The following DSCAML1 variants were observed in gnomAD, a reference collection of about 807,000 sequenced individuals.
DSCAML1 encodes the protein cell adhesion molecule DSCAML1.
A neutral mutation model predicts 200.5 loss-of-function variants in DSCAML1; 38 were observed. The observed-to-expected ratio is 0.19, with a 90% CI of 0.15 to 0.25. The LOEUF is 0.25. DSCAML1 is among the 10% of genes least tolerant of loss of function. DSCAML1 has a pLI of 1.00. For synonymous variants in DSCAML1, 1,215 were observed against 1,165.0 expected, an observed-to-expected ratio of 1.04 and a Z score of -0.87; for missense variants, 2,223 against 2,858.8, an observed-to-expected ratio of 0.78 and a Z score of 5.07.
At chr11:117,455,405 T>C (rs1165808430) in intron 19 of DSCAML1, among the ~76,000 whole-genome samples, 1 of 152,222 alleles carries the variant, frequency 6.6e-6, no homozygotes, top group East Asian at 1.9e-4. Context: ...GGTCTAGTCA[T>C]GCCTCTTCCT....
intron 2 of DSCAML1, among the ~76,000 whole-genome samples, chr11:117,778,407 A>C (rs1333614294): frequency 6.6e-6 from 1 of 152,180 alleles, no homozygotes; most frequent in African/African-American, 2.4e-5. Context: ...GAGTCAGCAG[A>C]GGTTAATGGC....
intron 3 of DSCAML1, among the ~76,000 whole-genome samples, chr11:117,546,256 A>C (rs1293001957): frequency 1.3e-5 from 2 of 152,218 alleles, no homozygotes; most frequent in East Asian, 3.8e-4. Context: ...CCAGCTCTGC[A>C]GTCAGAAGGC....
At chr11:117,578,073 A>G (rs2050978840) in intron 3 of DSCAML1, among the ~76,000 whole-genome samples, 1 of 151,600 alleles carries the variant, frequency 6.6e-6, no homozygotes, top group Non-Finnish European at 1.5e-5. Flanking sequence ...TGTCTTTACT[A>G]AAAATGCAAA....
chr11:117,525,046 G>A lies in DSCAML1; in HGVS notation c.696C>T (p.Phe232=). 1 of 1,590,296 alleles carries A rather than the reference G, an allele frequency of 6.3e-7. No individual in the cohort carries two copies. Among genetic ancestry groups the A allele is most frequent in the Non-Finnish European group, 8.5e-7 (1 of 1,170,154 alleles). ...GGCCGGCCCACACTTCCTGGGAGTG[G>A]AAGCCATCCAGGATGGTGGGGATCG... ...AESIPTILDG[F]HSQEVWAGHT... is the part of the protein sequence containing the mutation. The change falls in exon 5 of 33, where the codon TTC becomes TTT. Residue 232 remains phenylalanine, a synonymous_variant. Transcript: ENST00000651296.
At chr11:117,458,682 C>T (rs2048420700) in intron 19 of DSCAML1, 72 bp downstream of exon 19, 1 of 1,570,284 alleles carries the variant, frequency 6.4e-7, no homozygotes, top group Non-Finnish European at 8.6e-7. Context: ...CTCACCCTGC[C>T]TCCTGGGGTG....
chr11:117,716,971 G>A (rs886316283), intron 3 of DSCAML1, among the ~76,000 whole-genome samples: 1 of 152,016 alleles, frequency 6.6e-6, no homozygotes, highest in Non-Finnish European at 1.5e-5. Context: ...GATGGTTGGT[G>A]TTGCCAGAAA....
chr11:117,758,586 T>A (rs2054739882), intron 3 of DSCAML1, among the ~76,000 whole-genome samples: 1 of 151,954 alleles, frequency 6.6e-6, no homozygotes, highest in African/African-American at 2.4e-5. Flanking sequence ...GTATTTTTAG[T>A]AGAGATGGGG....
chr11:117,444,546 C>T (rs748315768), intron 20 of DSCAML1, among the ~76,000 whole-genome samples: 6 of 152,190 alleles, frequency 3.9e-5, no homozygotes, highest in Non-Finnish European at 7.4e-5. Flanking sequence ...CACGCCCGCC[C>T]GTCCAGGGAG....
intron 3 of DSCAML1, among the ~76,000 whole-genome samples, chr11:117,661,828 A>G (rs10892152): frequency 0.3 from 45,686 of 152,128 alleles, 7,163 homozygotes; most frequent in Middle Eastern, 0.35. Flanking sequence ...TAATAGAGTC[A>G]TAGGGACTGG....
intron 3 of DSCAML1, among the ~76,000 whole-genome samples, chr11:117,755,401 G>A (rs1275357463): frequency 6.6e-6 from 1 of 152,176 alleles, no homozygotes; most frequent in African/African-American, 2.4e-5. Context: ...TAACGCTTGT[G>A]AAATAATTTT....
intron 26 of DSCAML1, among the ~76,000 whole-genome samples, chr11:117,436,328 TA>T (rs1250916412): frequency 6.6e-6 from 1 of 152,172 alleles, no homozygotes; most frequent in Non-Finnish European, 1.5e-5. Context: ...CCTGCTGACA[TA>T]ACCCTCTGCC....
chr11:117,432,391 C>T lies in DSCAML1; in HGVS notation c.5140G>A (p.Gly1714Arg), dbSNP rs753861954. The change falls in exon 30 of 33, where the codon GGA becomes AGA. Residue 1714 changes from glycine (G) to arginine (R), a missense_variant. Gly to Arg is a moderately radical substitution (Grantham distance 125). Coordinates refer to ENST00000651296, the MANE Select transcript of DSCAML1 (RefSeq NM_020693.4). ...LHHPTLIQST[G>R]PLIDMSDIRP... ...ATGTCAGACATGTCGATGAGGGGTC[C>T]TGTGCTCTGGATGAGGGTTGGGTGG... is the stretch of plus-strand genomic sequence containing the variant. 3 of 1,614,070 alleles carry T rather than the reference C, an allele frequency of 1.9e-6. No homozygotes were observed. In the South Asian group the frequency reaches 3.3e-5, roughly 18 times the overall value.
chr11:117,791,602 C>T (rs1343108633), intron 1 of DSCAML1, among the ~76,000 whole-genome samples: 2 of 152,210 alleles, frequency 1.3e-5, no homozygotes, highest in African/African-American at 4.8e-5. Flanking sequence ...TGCTGGGCAC[C>T]CCAGGGACAC....
intron 3 of DSCAML1, among the ~76,000 whole-genome samples, chr11:117,714,319 C>T (rs1216336361): frequency 1.3e-5 from 2 of 152,056 alleles, no homozygotes; most frequent in African/African-American, 4.8e-5. Context: ...TAAAGGAACC[C>T]ATCACCAAAT....
intron 1 of DSCAML1, among the ~76,000 whole-genome samples, chr11:117,812,956 C>G (rs2055773762): frequency 6.6e-6 from 1 of 151,932 alleles, no homozygotes; most frequent in Non-Finnish European, 1.5e-5. Flanking sequence ...GCCTTTCCTA[C>G]AAGGTCTGAG....
chr11:117,775,226 C>G (rs564839887), intron 3 of DSCAML1, among the ~76,000 whole-genome samples: 7 of 152,146 alleles, frequency 4.6e-5, no homozygotes, highest in Non-Finnish European at 8.8e-5. Flanking sequence ...CACCTCATGA[C>G]TCATTTGAAC....
chr11:117,720,526 C>T (rs75935357), intron 3 of DSCAML1, among the ~76,000 whole-genome samples: 9,912 of 152,222 alleles, frequency 0.065, 490 homozygotes, highest in African/African-American at 0.12. Flanking sequence ...AGAGAACACG[C>T]GAATGAAGGG....
chr11:117,552,728 G>T (rs1328277269), intron 3 of DSCAML1, among the ~76,000 whole-genome samples: 2 of 152,360 alleles, frequency 1.3e-5, no homozygotes, highest in African/African-American at 4.8e-5. Flanking sequence ...TCAGCTAGGT[G>T]AAGTGTCTTG....
At chr11:117,552,309 C>T (rs1438212236) in intron 3 of DSCAML1, among the ~76,000 whole-genome samples, 1 of 151,996 alleles carries the variant, frequency 6.6e-6, no homozygotes, top group Non-Finnish European at 1.5e-5. Flanking sequence ...CATCTTGTTG[C>T]ATCTCCTATG....
Sources: gnomAD v4.1 joint callset for allele counts (sites outside exome capture counted in the v4.1 genomes callset) on GRCh38, gnomAD v4.1.1 for gene constraint, MANE v1.5 for transcripts, NCBI Gene and HGNC (gene_info 2026-07-23, HGNC 2026-07-21) for gene names.